The following SEPTIN9 variants were observed in gnomAD, a reference collection of about 807,000 sequenced individuals.
The protein encoded by SEPTIN9 is septin 9, also known as septin-9.
SEPTIN9 carries 13 observed loss-of-function variants against 56.6 expected under a neutral mutation model. The observed-to-expected ratio is 0.23, with a 90% CI of 0.15 to 0.37. SEPTIN9 has a LOEUF of 0.37. Among genes scored for constraint, SEPTIN9 ranks in the 10% least tolerant of loss-of-function variants. SEPTIN9 has a pLI of 1.00. For missense variants in SEPTIN9, 650 were observed against 823.1 expected (o/e 0.79, Z 2.57); for synonymous variants, 332 against 334.1 (o/e 0.99, Z 0.07).
intron 2 of SEPTIN9, among the ~76,000 whole-genome samples, chr17:77,315,363 C>T (rs570561875): frequency 6.6e-6 from 1 of 151,880 alleles, no homozygotes; most frequent in African/African-American, 2.4e-5. Flanking sequence ...TCTAGGCTCA[C>T]TGCAACCTCC....
Position 77,480,017 on chromosome 17 carries a change from G to C in SEPTIN9, c.722-2127G>C, listed in dbSNP as rs192771222. 1.6e-3 allele frequency among the ~76,000 whole-genome samples: 240 copies of C among 152,308 alleles called. 1 individual carries two copies. The highest frequency in any genetic ancestry group is 5.5e-3 in the African/African-American group (229 of 41,568). On this transcript the variant is annotated intron_variant, in intron 3 of 11. Coordinates refer to ENST00000427177, the MANE Select transcript of SEPTIN9 (RefSeq NM_001113491.2). ...AAGCCCAGGGGAGAGTATTTCTGAA[G>C]GGGGAGCAGGAGCAGGAGCAAAGCC...
chr17:77,307,176 C>T lies in SEPTIN9; in HGVS notation c.55C>T (p.Leu19Phe). The T allele has an allele frequency of 6.2e-7, 1 of 1,613,876 alleles. No homozygotes were observed. The highest frequency in any genetic ancestry group is 8.5e-7 in the Non-Finnish European group (1 of 1,179,860). Residue 19 changes from leucine (L) to phenylalanine (F), a missense_variant, in exon 2 of 12, where the codon CTT (leucine) becomes TTT (phenylalanine). Coordinates refer to ENST00000427177, the MANE Select transcript of SEPTIN9 (RefSeq NM_001113491.2). ...TRTSSGRLRR[L>F]GDSSGPALKR... ...GACCTCCAGTGGCCGGCTCCGGAGG[C>T]TTGGTGACTCCAGTGGCCCAGGTAG...
At chr17:77,417,095 A>G (rs7224116) in intron 3 of SEPTIN9, among the ~76,000 whole-genome samples, 56,955 of 152,110 alleles carry the variant, frequency 0.37, 11,232 homozygotes, top group African/African-American at 0.43. Flanking sequence ...CTTTGGGCCA[A>G]TCTGGCCTCC....
chr17:77,476,110 G>C lies in SEPTIN9; in HGVS notation c.722-6034G>C, dbSNP rs891611290. Among the ~76,000 whole-genome samples the C allele has an allele frequency of 1.4e-4, 22 of 152,190 alleles. No homozygotes were observed. The highest frequency in any genetic ancestry group is 5.1e-4 in the African/African-American group (21 of 41,442). On this transcript the variant is annotated intron_variant, in intron 3 of 11. Transcript: ENST00000427177. The surrounding 1 kb of genome is among the most constrained non-coding windows in gnomAD (Gnocchi z 6.0). ...GCGGCACCATCTCTGCATTTGGCCA[G>C]CAAGGCTGATGGGACTTGTGTGGAC...
In SEPTIN9 at chr17:77,405,157, G is replaced by A. The variant is rs1426636288; in HGVS notation, c.721+2454G>A. 1.3e-6 allele frequency: 2 copies of A among 1,527,184 alleles called. No individual in the cohort carries two copies. The highest frequency in any genetic ancestry group is 1.8e-6 in the Non-Finnish European group (2 of 1,139,334). The allele number at this position is 1,527,184 out of a possible 1,614,324, so 94.6% of individuals were successfully genotyped here. A position where few individuals can be genotyped will look rare whatever the true frequency, so the allele number is the denominator to read the frequency against. ...GGGGGACAGGTAGGGGGATGTCCAT[G>A]GGGATGTACAAGAACATTCTCCTCC... On this transcript the variant is annotated intron_variant, in intron 3 of 11. Transcript: ENST00000427177. This position sits in a 1 kb window ranked among gnomAD's most constrained non-coding sequence, Gnocchi z 5.8.
chr17:77,287,978 C>T, intron 1 of SEPTIN9: 9 of 1,056,182 alleles, frequency 8.5e-6, no homozygotes, highest in Non-Finnish European at 9.2e-6. Flanking sequence ...TGGCCCGGGG[C>T]CTTCAGTGGC....
At position 77,453,574 on chromosome 17, in the gene SEPTIN9, C is replaced by T. The variant is rs1038520627; in HGVS notation, c.722-28570C>T. Among the ~76,000 whole-genome samples, 5 of 148,596 alleles carry T rather than the reference C, an allele frequency of 3.4e-5. No individual in the cohort carries two copies. The highest frequency in any genetic ancestry group is 5.9e-5 in the Non-Finnish European group (4 of 67,646). On this transcript the variant is annotated intron_variant, in intron 3 of 11. Transcript: ENST00000427177. This position sits in a 1 kb window ranked among gnomAD's most constrained non-coding sequence, Gnocchi z 4.4. ...GAGCTGAGATTGTGCTACTGCACTCCAGTCTGGGCAACAAGAGTGAAACTC... is the reference window on the plus strand; with the variant it reads ...GAGCTGAGATTGTGCTACTGCACTCTAGTCTGGGCAACAAGAGTGAAACTC...
At chr17:77,399,117 T>C (rs1049406750) in intron 2 of SEPTIN9, among the ~76,000 whole-genome samples, 3 of 152,322 alleles carry the variant, frequency 2.0e-5, no homozygotes, top group African/African-American at 2.4e-5. Flanking sequence ...AATGATCCGC[T>C]TGTGCACGTG....
chr17:77,489,879 T>C (rs453276), intron 7 of SEPTIN9, among the ~76,000 whole-genome samples: 82,988 of 151,904 alleles, frequency 0.55, 23,789 homozygotes, highest in African/African-American at 0.73. Flanking sequence ...ACGGCTCACC[T>C]GCGGTCCTGT....
intron 2 of SEPTIN9, among the ~76,000 whole-genome samples, chr17:77,364,248 A>G (rs1322984850): frequency 6.6e-6 from 1 of 152,262 alleles, no homozygotes; most frequent in Admixed American, 6.5e-5. Flanking sequence ...GCGGCAGGCC[A>G]AGAGCGCGAG....
intron 3 of SEPTIN9, chr17:77,446,865 G>T (rs533644860): frequency 1.2e-5 from 2 of 167,114 alleles, no homozygotes; most frequent in East Asian, 3.9e-4. Flanking sequence ...GGCTCAAGGG[G>T]AAAAAAGGAC....
chr17:77,498,209 G>A (rs2040354522), intron 11 of SEPTIN9, among the ~76,000 whole-genome samples: 1 of 152,124 alleles, frequency 6.6e-6, no homozygotes. Context: ...GTCCCTCTGA[G>A]TCTATGCACT....
rs1291093174 is a variant in SEPTIN9 at position 77,475,063 on chromosome 17, G to A, written c.722-7081G>A. ...GCCCCCAGTAAACCTCGGCTGCTGTGATGAGCTTTGTTTCTTCATTTGTTC... is the reference window on the plus strand; with the variant it reads ...GCCCCCAGTAAACCTCGGCTGCTGTAATGAGCTTTGTTTCTTCATTTGTTC... On this transcript the variant is annotated intron_variant, in intron 3 of 11. Transcript: ENST00000427177. The surrounding 1 kb of genome is among the most constrained non-coding windows in gnomAD (Gnocchi z 4.6). Among the ~76,000 whole-genome samples, 1 of 152,148 alleles carries A rather than the reference G, an allele frequency of 6.6e-6. No individual in the cohort carries two copies. The highest frequency in any genetic ancestry group is 1.5e-5 in the Non-Finnish European group (1 of 68,030).
chr17:77,490,042 C>A (rs2039957446), intron 7 of SEPTIN9, among the ~76,000 whole-genome samples: 1 of 152,248 alleles, frequency 6.6e-6, no homozygotes, highest in Admixed American at 6.5e-5. Flanking sequence ...GGCTGGGACT[C>A]CAGCTAGGCA....
rs2035456918 is a variant in SEPTIN9 at position 77,389,500 on chromosome 17, G to T, written c.77-12559G>T. ...CTTAACCTTTGAGGCCCTCAGAGCT[G>T]CAGCCTGTGGTTTTTCGAAGTCAAT... On this transcript the variant is annotated intron_variant, in intron 2 of 11. Transcript: ENST00000427177. This position sits in a 1 kb window ranked among gnomAD's most constrained non-coding sequence, Gnocchi z 4.3. Among the ~76,000 whole-genome samples the T allele has an allele frequency of 6.6e-6, 1 of 152,122 alleles. No individual in the cohort carries two copies. Among genetic ancestry groups the T allele is most frequent in the Non-Finnish European group, 1.5e-5 (1 of 68,010 alleles).
At position 77,388,181 on chromosome 17, in the gene SEPTIN9, G is replaced by A. The variant is rs143264294; in HGVS notation, c.77-13878G>A. Among the ~76,000 whole-genome samples the A allele has an allele frequency of 9.2e-3, 1,405 of 152,270 alleles. 17 individuals are homozygous for A. The highest frequency in any genetic ancestry group is 0.031 in the African/African-American group (1,293 of 41,544). ...CAGGGAGCTTTTCAAGTTCTTAGAT[G>A]GGCTTGATGGAGTTTCCCAATGCGT... is the stretch of plus-strand genomic sequence containing the variant. On this transcript the variant is annotated intron_variant, in intron 2 of 11. Transcript: ENST00000427177.
chr17:77,397,040 T>C (rs989002279), intron 2 of SEPTIN9: 6 of 154,768 alleles, frequency 3.9e-5, no homozygotes, highest in African/African-American at 1.4e-4. Context: ...CCAGCTAGCC[T>C]CACCCTGGGC....
intron 2 of SEPTIN9, among the ~76,000 whole-genome samples, chr17:77,339,726 T>G (rs544236815): frequency 2.5e-4 from 38 of 152,130 alleles, no homozygotes; most frequent in African/African-American, 9.2e-4. Flanking sequence ...GCCAGGCTGG[T>G]CTCGAACTCC....
chr17:77,364,822 C>G (rs577410880), intron 2 of SEPTIN9, among the ~76,000 whole-genome samples: 8 of 152,224 alleles, frequency 5.3e-5, no homozygotes, highest in Non-Finnish European at 1.2e-4. Context: ...GGAGCAGAGC[C>G]CAGCTGTGCC....
Sources: allele counts gnomAD v4.1 joint callset (sites outside exome capture counted in the v4.1 genomes callset), GRCh38; gene constraint gnomAD v4.1.1; non-coding constraint Gnocchi (gnomAD v3.1); transcripts MANE v1.5; gene names NCBI Gene and HGNC (gene_info 2026-07-23, HGNC 2026-07-21).